ADAMTSL1: variants seen among roughly 807,000 people sequenced by gnomAD.
ADAMTSL1 encodes the protein ADAMTS like 1.
A neutral mutation model predicts 201.8 loss-of-function variants in ADAMTSL1; 126 were observed. The ratio of observed to expected loss-of-function variants is 0.62; its 90% CI spans 0.54 to 0.72. The LOEUF (loss-of-function observed/expected upper bound fraction) is 0.72, where lower values mean the gene tolerates loss of function less well. Ranked by LOEUF, ADAMTSL1 falls within the 30% of genes least tolerant of loss-of-function variation. ADAMTSL1 has a pLI of 0.00. For synonymous variants in ADAMTSL1, 1,121 were observed against 903.4 expected (o/e 1.24, Z -4.32); for missense variants, 2,679 against 2,277.8 (o/e 1.18, Z -3.59).
intron 3 of ADAMTSL1, among the ~76,000 whole-genome samples, chr9:18,573,644 AAT>A (rs1354915549): frequency 1.3e-5 from 2 of 152,192 alleles, no homozygotes; most frequent in Admixed American, 6.5e-5. Flanking sequence ...GAAAGAGACA[AAT>A]AATTTCAACT....
At chr9:18,583,711 G>A (rs188691030) in intron 4 of ADAMTSL1, among the ~76,000 whole-genome samples, 8 of 152,276 alleles carry the variant, frequency 5.3e-5, no homozygotes, top group African/African-American at 1.2e-4. Context: ...CCACCAGGAC[G>A]GAGCTACCCA....
chr9:18,519,382 G>A (rs375963759), intron 2 of ADAMTSL1, among the ~76,000 whole-genome samples: 2 of 152,152 alleles, frequency 1.3e-5, no homozygotes, highest in East Asian at 1.9e-4. Flanking sequence ...GGGCTGAATC[G>A]CAAAGTCTCC....
intron 1 of ADAMTSL1, among the ~76,000 whole-genome samples, chr9:18,042,370 G>C (rs1821463736): frequency 6.6e-6 from 1 of 152,106 alleles, no homozygotes; most frequent in African/African-American, 2.4e-5. Flanking sequence ...GAAATTTACT[G>C]AGTGTTCATT....
intron 23 of ADAMTSL1, among the ~76,000 whole-genome samples, chr9:18,876,327 TGTGC>T (rs1040861055): frequency 1.7e-4 from 26 of 151,488 alleles, no homozygotes; most frequent in South Asian, 1.0e-3. Flanking sequence ...TGTGTGTGTG[TGTGC>T]GTGATTGTTT....
At chr9:18,283,088 T>A (rs1376376373) in intron 2 of ADAMTSL1, among the ~76,000 whole-genome samples, 2 of 152,232 alleles carry the variant, frequency 1.3e-5, no homozygotes, top group Admixed American at 1.3e-4. Flanking sequence ...TATTTTCTTT[T>A]CAATCTTAAT....
intron 13 of ADAMTSL1, 54 bp from the exon 14 acceptor site, chr9:18,706,693 G>A (rs1419942802): frequency 6.6e-7 from 1 of 1,506,040 alleles, no homozygotes; most frequent in Non-Finnish European, 8.9e-7. Flanking sequence ...CAGCCCCCAT[G>A]GCTTCCTGCC....
Position 18,574,174 on chromosome 9 carries a change from A to G in ADAMTSL1, c.382A>G (p.Thr128Ala), listed in dbSNP as rs1822545045. Reference protein sequence around the residue: ...PCSLKCQAKGTTLVVELAPKV... With the variant: ...PCSLKCQAKGATLVVELAPKV... ...TTCACTCAAGTGCCAAGCCAAAGGA[A>G]CAACCCTGGTTGTTGAACTAGCACC... The change falls in exon 4 of 29, where the codon ACA becomes GCA. Residue 128 changes from threonine (T) to alanine (A), a missense_variant. Physicochemically the swap from Thr to Ala is moderately conservative, Grantham distance 58. Transcript: ENST00000380548. 6.2e-7 allele frequency: 1 copy of G among 1,614,186 alleles called. No homozygotes were observed. Among genetic ancestry groups the G allele is most frequent in the Non-Finnish European group, 8.5e-7 (1 of 1,180,002 alleles).
chr9:18,309,223 C>A (rs1834024271), intron 2 of ADAMTSL1, among the ~76,000 whole-genome samples: 1 of 152,116 alleles, frequency 6.6e-6, no homozygotes, highest in South Asian at 2.1e-4. Flanking sequence ...AACCCACAGC[C>A]AATATCTTAC....
intron 15 of ADAMTSL1, among the ~76,000 whole-genome samples, chr9:18,742,733 T>TAA (rs1818912614): frequency 6.6e-6 from 1 of 152,108 alleles, no homozygotes; most frequent in South Asian, 2.1e-4. Flanking sequence ...TCACTCTGTA[T>TAA]AAAGGAGGTA....
chr9:18,159,262 G>A lies in ADAMTSL1; in HGVS notation c.88-4600G>A, dbSNP rs138597883. Among the ~76,000 whole-genome samples the A allele has an allele frequency of 8.4e-4, 127 of 152,062 alleles. 1 individual carries two copies. Among genetic ancestry groups the A allele is most frequent in the Admixed American group, 2.2e-3 (34 of 15,246 alleles). On this transcript the variant is annotated intron_variant, in intron 1 of 29. Transcript: ENST00000680146. ...TTTGGTAGGAAAAAAATTTTTAACC[G>A]TGTGGTTTTCAGCACTACTCTTCCT...
chr9:18,067,031 A>G (rs945864848), intron 1 of ADAMTSL1, among the ~76,000 whole-genome samples: 2 of 152,128 alleles, frequency 1.3e-5, no homozygotes, highest in African/African-American at 4.8e-5. Context: ...AGATATACCT[A>G]ATGCTAAATG....
At chr9:18,688,689 A>AATATATATATATATATATAT (rs1554730405) in intron 13 of ADAMTSL1, among the ~76,000 whole-genome samples, 42 of 8,614 alleles carry the variant, frequency 4.9e-3, no homozygotes, top group South Asian at 6.6e-3. Flanking sequence ...AAAAAAAAAA[A>AATATATATATATATATATAT]ATATATATAT....
intron 2 of ADAMTSL1, among the ~76,000 whole-genome samples, chr9:18,346,659 A>T (rs2132998129): frequency 6.6e-6 from 1 of 152,308 alleles, no homozygotes; most frequent in South Asian, 2.1e-4. Flanking sequence ...TAGAAGTAAA[A>T]GTGGCCTTCG....
intron 1 of ADAMTSL1, among the ~76,000 whole-genome samples, chr9:17,968,081 A>G (rs996980709): frequency 1.3e-5 from 2 of 152,122 alleles, no homozygotes; most frequent in East Asian, 3.9e-4. Flanking sequence ...TGTTCGAGGA[A>G]GAATCTTCAC....
chr9:18,582,040 C>G (rs1385063373), intron 4 of ADAMTSL1, among the ~76,000 whole-genome samples: 2 of 152,252 alleles, frequency 1.3e-5, no homozygotes, highest in South Asian at 4.1e-4. Flanking sequence ...TAACAGGTAT[C>G]CAAGCCATCA....
chr9:18,852,898 G>T (rs1826589258), intron 23 of ADAMTSL1, among the ~76,000 whole-genome samples: 1 of 152,326 alleles, frequency 6.6e-6, no homozygotes, highest in African/African-American at 2.4e-5. Context: ...AGCAAAGATT[G>T]CTGGTAAGGT....
At chr9:18,622,394 C>T in intron 5 of ADAMTSL1, 25 bp downstream of exon 5, 1 of 1,613,908 alleles carries the variant, frequency 6.2e-7, no homozygotes, top group Non-Finnish European at 8.5e-7. Context: ...GATGGGCGAC[C>T]TTTGGACTTG....
At chr9:18,620,019 T>A (rs1297512872) in intron 4 of ADAMTSL1, among the ~76,000 whole-genome samples, 17 of 122,482 alleles carry the variant, frequency 1.4e-4, no homozygotes, top group East Asian at 1.9e-4. Flanking sequence ...TTTCTGATTT[T>A]TTTTTTTTTT....
At chr9:18,532,460 TA>T (rs1031443009) in intron 2 of ADAMTSL1, among the ~76,000 whole-genome samples, 12 of 152,144 alleles carry the variant, frequency 7.9e-5, no homozygotes, top group Non-Finnish European at 1.6e-4. Flanking sequence ...GGAAATTACT[TA>T]AATGACAAAT....
Sources: gnomAD v4.1 joint callset for allele counts (sites outside exome capture counted in the v4.1 genomes callset) on GRCh38, gnomAD v4.1.1 for gene constraint, MANE v1.5 for transcripts, NCBI Gene and HGNC (gene_info 2026-07-23, HGNC 2026-07-21) for gene names.